TBC1D22A: variants seen among roughly 807,000 people sequenced by gnomAD.
TBC1D22A encodes the protein TBC1 domain family member 22A, also known as putative GTPase activator.
Under a neutral mutation model 60.2 loss-of-function variants are expected in TBC1D22A, and 38 were observed. The ratio of observed to expected loss-of-function variants is 0.63; its 90% confidence interval spans 0.49 to 0.83. The LOEUF (loss-of-function observed/expected upper bound fraction) is 0.83. TBC1D22A is among the 40% of genes least tolerant of loss of function. TBC1D22A has a pLI of 0.00. For synonymous variants in TBC1D22A, 302 were observed against 281.7 expected, an observed-to-expected ratio of 1.07 and a Z score of -0.72; for missense variants, 628 against 701.0, an observed-to-expected ratio of 0.90 and a Z score of 1.18.
intron 1 of TBC1D22A, among the ~76,000 whole-genome samples, chr22:46,776,725 T>C (rs1228300579): frequency 6.6e-6 from 1 of 151,846 alleles, no homozygotes; most frequent in African/African-American, 2.4e-5. Context: ...CAGGAAGTGC[T>C]TGCAATTCAG....
intron 9 of TBC1D22A, among the ~76,000 whole-genome samples, chr22:46,991,673 C>T (rs912418737): frequency 3.9e-5 from 6 of 152,180 alleles, no homozygotes; most frequent in African/African-American, 2.4e-5. Flanking sequence ...ATCATCTTTC[C>T]GTGGTGCAAA....
chr22:47,112,879 A>C (rs1267584187), intron 12 of TBC1D22A, among the ~76,000 whole-genome samples: 1 of 152,206 alleles, frequency 6.6e-6, no homozygotes, highest in African/African-American at 2.4e-5. Context: ...GGCTGATGCA[A>C]GGCTGCTGGG....
chr22:46,908,266 G>A (rs2069635887), intron 7 of TBC1D22A, among the ~76,000 whole-genome samples: 1 of 152,162 alleles, frequency 6.6e-6, no homozygotes, highest in African/African-American at 2.4e-5. Context: ...GATGCCACAC[G>A]CATCTGGGGT....
chr22:46,960,886 GCAGTGAGC>G (rs2073461802), intron 8 of TBC1D22A, among the ~76,000 whole-genome samples: 2 of 147,150 alleles, frequency 1.4e-5, no homozygotes, highest in Non-Finnish European at 3.0e-5. Context: ...GGCGGAGCTT[GCAGTGAGC>G]CAGTGAGCCG....
At chr22:47,065,170 G>GTTT (rs2063710919) in intron 11 of TBC1D22A, among the ~76,000 whole-genome samples, 1 of 151,986 alleles carries the variant, frequency 6.6e-6, no homozygotes, top group South Asian at 2.1e-4. Context: ...TAATTTTTTT[G>GTTT]TATTTTTATT....
chr22:46,777,434 G>A lies in TBC1D22A; in HGVS notation c.62+14586G>A, dbSNP rs745399382. ...CACAGCTGATTTTTTGGGGGAACCC[G>A]TTGACGTGAGGTGGTGGATTCGTGG... On this transcript the variant is annotated intron_variant, in intron 1 of 12. Coordinates refer to ENST00000337137, the MANE Select transcript of TBC1D22A (RefSeq NM_014346.5). The surrounding 1 kb of genome is among the most constrained non-coding windows in gnomAD (Gnocchi z 4.5). 2.0e-5 allele frequency among the ~76,000 whole-genome samples: 3 copies of A among 152,166 alleles called. No individual in the cohort carries two copies. Among genetic ancestry groups the A allele is most frequent in the East Asian group, 1.9e-4 (1 of 5,194 alleles).
intron 8 of TBC1D22A, among the ~76,000 whole-genome samples, chr22:46,920,876 T>G (rs2070718113): frequency 6.6e-6 from 1 of 152,186 alleles, no homozygotes; most frequent in South Asian, 2.1e-4. Context: ...GTTCAAGCGA[T>G]TCTCCTGTCT....
rs1048002525 is a variant in TBC1D22A, at chr22:47,171,393, G to A, written c.1426-2105G>A. ...GACTTCCTGGATCCAGCTTCTGTTT[G>A]GGGTGGGAGGTAGGAGAAGCCGGGG... On this transcript the variant is annotated intron_variant, in intron 12 of 12. Coordinates refer to ENST00000337137, the MANE Select transcript of TBC1D22A (RefSeq NM_014346.5). Among the ~76,000 whole-genome samples the A allele has an allele frequency of 3.3e-5, 5 of 152,264 alleles. No individual in the cohort carries two copies. In the South Asian group the frequency reaches 8.3e-4, roughly 25 times the overall value.
intron 8 of TBC1D22A, among the ~76,000 whole-genome samples, chr22:46,934,125 C>T (rs950027038): frequency 3.9e-5 from 6 of 152,202 alleles, no homozygotes; most frequent in African/African-American, 1.4e-4. Context: ...GGTGAGTTTG[C>T]AGACTTTTTA....
rs763091068 is a variant in TBC1D22A, at chr22:46,933,624, C to CTCGG, written c.1015+21437_1015+21438insCGGT. Among the ~76,000 whole-genome samples the CTCGG allele has an allele frequency of 1.4e-3, 208 of 147,064 alleles. 1 individual carries two copies. The highest frequency in any genetic ancestry group is 5.1e-3 in the African/African-American group (196 of 38,126). ...TGAGGACAGAGACAGGGAGAGACCA[C>CTCGG]TGGGGGGGGGTTGGCCCCCTGTGCC... On this transcript the variant is annotated intron_variant, in intron 8 of 12. Coordinates refer to ENST00000337137, the MANE Select transcript of TBC1D22A (RefSeq NM_014346.5).
At chr22:47,154,594 C>T (rs1211196927) in intron 12 of TBC1D22A, among the ~76,000 whole-genome samples, 1 of 152,182 alleles carries the variant, frequency 6.6e-6, no homozygotes, top group East Asian at 1.9e-4. Flanking sequence ...CTGGGGGACC[C>T]CAGCAGTGCC....
intron 10 of TBC1D22A, among the ~76,000 whole-genome samples, chr22:47,017,836 A>G (rs935656174): frequency 6.6e-5 from 10 of 152,210 alleles, no homozygotes; most frequent in African/African-American, 2.4e-4. Flanking sequence ...TGATAAAGGA[A>G]TCTCATTTTT....
At chr22:47,019,799 T>G (rs2062020711) in intron 10 of TBC1D22A, among the ~76,000 whole-genome samples, 1 of 151,584 alleles carries the variant, frequency 6.6e-6, no homozygotes, top group Non-Finnish European at 1.5e-5. Context: ...CCCCTCTGCC[T>G]TAACCCTCCA....
chr22:46,798,617 C>T (rs1273082845), intron 4 of TBC1D22A, among the ~76,000 whole-genome samples: 1 of 152,278 alleles, frequency 6.6e-6, no homozygotes, highest in Non-Finnish European at 1.5e-5. Context: ...GAGTGCCACT[C>T]TGGCTAGGTG....
intron 7 of TBC1D22A, among the ~76,000 whole-genome samples, chr22:46,901,672 G>A (rs2069004519): frequency 1.3e-5 from 2 of 151,262 alleles, no homozygotes; most frequent in Non-Finnish European, 1.5e-5. Flanking sequence ...TCTACAGTTC[G>A]ATTTTGGTTT....
chr22:46,785,440 G>C (rs2084118006), intron 1 of TBC1D22A, among the ~76,000 whole-genome samples: 1 of 152,220 alleles, frequency 6.6e-6, no homozygotes. Flanking sequence ...CTGAGATACA[G>C]ATAGAACACA....
Position 46,797,464 on chromosome 22 carries a change from C to G in TBC1D22A, c.481C>G (p.Pro161Ala). ...CPAESASDAA[P>A]LQRSQSLPHS... ...TGCAGAAAGTGCCAGCGATGCCGCC[C>G]CTCTGCAGAGGTCCCAGTCTCTCCC... The change falls in exon 4 of 13, where the codon CCT becomes GCT. Residue 161 changes from proline (P) to alanine (A), a missense_variant. Coordinates refer to ENST00000337137, the MANE Select transcript of TBC1D22A (RefSeq NM_014346.5). 1 of 1,613,204 alleles carries G rather than the reference C, an allele frequency of 6.2e-7. No individual in the cohort carries two copies.
chr22:47,159,518 T>C (rs1054876493), intron 12 of TBC1D22A, among the ~76,000 whole-genome samples: 1 of 151,252 alleles, frequency 6.6e-6, no homozygotes, highest in African/African-American at 2.4e-5. Flanking sequence ...ATACTCACCA[T>C]GTTTACACAC....
Position 47,173,608 on chromosome 22 carries a change from C to T in TBC1D22A, c.1536C>T (p.Pro512=), listed in dbSNP as rs573736271. The T allele has an allele frequency of 1.1e-4, 177 of 1,614,014 alleles. 1 individual carries two copies. The South Asian group carries it at 1.8e-3, about 17-fold the overall frequency. The change falls in exon 13 of 13, where the codon CCC becomes CCT. Residue 512 remains proline (P), a synonymous_variant. Transcript: ENST00000337137. ...YRLKFAFADA[P]NHYKK ...TCAAGTTTGCTTTTGCCGACGCCCC[C>T]AATCACTACAAGAAATGAGCCCAGG...
Sources: gnomAD v4.1 joint callset for allele counts (sites outside exome capture counted in the v4.1 genomes callset) on GRCh38, gnomAD v4.1.1 for gene constraint, Gnocchi (gnomAD v3.1) non-coding constraint, MANE v1.5 for transcripts, NCBI Gene and HGNC (gene_info 2026-07-23, HGNC 2026-07-21) for gene names.